GMPS: variants seen among roughly 807,000 people sequenced by gnomAD.
GMPS encodes the protein GMP synthase [glutamine-hydrolyzing].
In GMPS, 15 loss-of-function variants were observed where a neutral mutation model predicts 77.9. The observed-to-expected ratio is 0.19, with a 90% CI of 0.13 to 0.30. The LOEUF (loss-of-function observed/expected upper bound fraction) is 0.30, where lower values mean the gene tolerates loss of function less well. Ranked by LOEUF, GMPS falls within the 10% of genes least tolerant of loss-of-function variation. The pLI is 1.00. For synonymous variants in GMPS, 224 were observed against 275.9 expected (o/e 0.81, Z 1.86); for missense variants, 590 against 838.8 (o/e 0.70, Z 3.66).
At chr3:155,872,065 T>A (rs774441642) in intron 1 of GMPS, among the ~76,000 whole-genome samples, 9 of 152,052 alleles carry the variant, frequency 5.9e-5, no homozygotes, top group Non-Finnish European at 1.3e-4. Context: ...TTAATTAAAT[T>A]TCATTCGGGG....
At chr3:155,919,888 G>A (rs976749557) in intron 10 of GMPS, among the ~76,000 whole-genome samples, 1 of 152,160 alleles carries the variant, frequency 6.6e-6, no homozygotes, top group African/African-American at 2.4e-5. Context: ...TTAAAGTTAG[G>A]ACTGCAAGTC....
chr3:155,895,927 AAATAT>A (rs1287010861), intron 2 of GMPS, among the ~76,000 whole-genome samples: 4 of 152,202 alleles, frequency 2.6e-5, no homozygotes, highest in Non-Finnish European at 5.9e-5. Context: ...TTGTGAAACT[AAATAT>A]AATATAATAG....
chr3:155,926,173 G>A (rs1755449363), intron 12 of GMPS, among the ~76,000 whole-genome samples: 1 of 152,008 alleles, frequency 6.6e-6, no homozygotes, highest in African/African-American at 2.4e-5. Context: ...CATCATGCCT[G>A]GCTAATTTTT....
At position 155,893,370 on chromosome 3, in the gene GMPS, A is replaced by G. The variant is rs1051313894; in HGVS notation, c.28-148A>G. 4 of 574,962 alleles carry G rather than the reference A, an allele frequency of 7.0e-6. No homozygotes were observed. In the African/African-American group the frequency reaches 7.6e-5, roughly 11 times the overall value. 35.6% of individuals were successfully genotyped at this position (574,962 alleles called of 1,614,324 possible). A position where few individuals can be genotyped will look rare whatever the true frequency, so the allele number is the denominator to read the frequency against. ...GATATATATTAAAATCTTCCCTTTA[A>G]AAGGGGTATTTTGAATTGGTAACTC... is the stretch of plus-strand genomic sequence containing the variant. On this transcript the variant is annotated intron_variant, in intron 1 of 15. Coordinates refer to ENST00000496455, the MANE Select transcript of GMPS (RefSeq NM_003875.3).
At chr3:155,872,402 A>G (rs1753927755) in intron 1 of GMPS, among the ~76,000 whole-genome samples, 1 of 152,210 alleles carries the variant, frequency 6.6e-6, no homozygotes, top group Non-Finnish European at 1.5e-5. Flanking sequence ...TTTCCCGATT[A>G]CTAGTCGACT....
At chr3:155,914,764 GT>G (rs376211713) in intron 8 of GMPS, among the ~76,000 whole-genome samples, 194 bp downstream of exon 8, 4 of 146,826 alleles carry the variant, frequency 2.7e-5, no homozygotes, top group Non-Finnish European at 3.0e-5. Context: ...TTGTTGTTTG[GT>G]TTTTTTTTTG....
intron 1 of GMPS, among the ~76,000 whole-genome samples, chr3:155,872,247 A>G (rs1034680354): frequency 2.8e-4 from 42 of 152,198 alleles, no homozygotes; most frequent in Non-Finnish European, 1.5e-5. Flanking sequence ...GTATTTGTCG[A>G]ACAATGAGTA....
intron 12 of GMPS, among the ~76,000 whole-genome samples, chr3:155,930,912 C>T (rs920235427): frequency 6.6e-5 from 10 of 152,124 alleles, no homozygotes; most frequent in South Asian, 4.1e-4. Flanking sequence ...GCCTCGACCT[C>T]GTTGGGCTCA....
intron 1 of GMPS, among the ~76,000 whole-genome samples, chr3:155,871,536 G>A (rs1040076254): frequency 6.6e-6 from 1 of 152,210 alleles, no homozygotes; most frequent in Non-Finnish European, 1.5e-5. Context: ...CGCCCCTGCA[G>A]GCCCGCGTGA....
chr3:155,890,056 G>T (rs6441025), intron 1 of GMPS, among the ~76,000 whole-genome samples: 140,901 of 152,246 alleles, frequency 0.93, 65,325 homozygotes, highest in African/African-American at 0.97. Context: ...GCAAATAAAT[G>T]CCAGGTTTTG....
intron 3 of GMPS, among the ~76,000 whole-genome samples, chr3:155,899,602 C>CA (rs916317049): frequency 6.6e-6 from 1 of 152,148 alleles, no homozygotes; most frequent in Non-Finnish European, 1.5e-5. Flanking sequence ...GAACCTACAT[C>CA]AACACATCAT....
chr3:155,883,414 AATATTTTAGGAATAGTGATCACGTG>A (rs1249221408), intron 1 of GMPS, among the ~76,000 whole-genome samples: 1 of 152,180 alleles, frequency 6.6e-6, no homozygotes, highest in East Asian at 1.9e-4. Flanking sequence ...TAAATGTGTT[AATATTTTAGGAATAGTGATCACGTG>A]ATAATCAAAA....
Position 155,881,178 on chromosome 3 carries a change from T to G in GMPS, c.27+10281T>G, listed in dbSNP as rs990100259. On this transcript the variant is annotated intron_variant, in intron 1 of 15. Transcript: ENST00000496455. Reference sequence around the variant, plus strand: ...CTTTGATATTAGTTTTTTTTTTTTTTTTTTTTTTTTTGAGACGGAGTTTTG... The same window carrying G: ...CTTTGATATTAGTTTTTTTTTTTTTGTTTTTTTTTTTGAGACGGAGTTTTG... Among the ~76,000 whole-genome samples the G allele has an allele frequency of 4.8e-5, 7 of 145,696 alleles. No homozygotes were observed. The East Asian group carries it at 1.0e-3, about 21-fold the overall frequency.
intron 1 of GMPS, among the ~76,000 whole-genome samples, chr3:155,883,106 C>T (rs550127636): frequency 1.3e-5 from 2 of 152,178 alleles, no homozygotes; most frequent in African/African-American, 4.8e-5. Flanking sequence ...GAGTCTCACT[C>T]TGTCGCCCAG....
chr3:155,934,239 A>T (rs1755704210), intron 13 of GMPS, among the ~76,000 whole-genome samples: 1 of 152,178 alleles, frequency 6.6e-6, no homozygotes, highest in African/African-American at 2.4e-5. Context: ...GTTTCCTAGG[A>T]CTACCCATAA....
At chr3:155,930,094 A>C (rs1247437068) in intron 12 of GMPS, among the ~76,000 whole-genome samples, 4 of 145,776 alleles carry the variant, frequency 2.7e-5, no homozygotes, top group Non-Finnish European at 4.6e-5. Flanking sequence ...GCATCACACT[A>C]CCTGACTTCA....
In GMPS at chr3:155,916,048, C is replaced by A. The variant is rs763910881; in HGVS notation, c.1068C>A (p.Asn356Lys). 18 of 1,613,222 alleles carry A rather than the reference C, an allele frequency of 1.1e-5. No individual in the cohort carries two copies. Among genetic ancestry groups the A allele is most frequent in the Non-Finnish European group, 1.4e-5 (16 of 1,179,412 alleles). Residue 356 changes from asparagine (N) to lysine (K), a missense_variant, in exon 9 of 16, where the codon AAC becomes AAA. By Grantham distance (94) the Asn-to-Lys change is moderately conservative. Around this residue, in one of 6 missense-constraint regions of GMPS, gnomAD observed 181 missense variants for 186.8 expected, o/e 0.97. Coordinates refer to ENST00000496455, the MANE Select transcript of GMPS (RefSeq NM_003875.3). Reference protein sequence around the residue: ...KIANEVIGEMNLKPEEVFLAQ... With the variant: ...KIANEVIGEMKLKPEEVFLAQ... ...CCAATGAAGTAATTGGAGAAATGAA[C>A]TTGAAACCAGAGGAGGTTTTCCTTG...
At chr3:155,873,352 A>G (rs1753947206) in intron 1 of GMPS, among the ~76,000 whole-genome samples, 1 of 151,994 alleles carries the variant, frequency 6.6e-6, no homozygotes, top group Non-Finnish European at 1.5e-5. Context: ...CAGTGGTGTG[A>G]TCACAGCTCA....
At chr3:155,915,954 G>A (rs1755166738) in intron 8 of GMPS, 65 bp from the exon 9 acceptor site, 2 of 1,037,298 alleles carry the variant, frequency 1.9e-6, no homozygotes, top group Non-Finnish European at 2.8e-6. Flanking sequence ...TTAGCTGAAA[G>A]TATAAACTTT....
Sources: allele counts gnomAD v4.1 joint callset (sites outside exome capture counted in the v4.1 genomes callset), GRCh38; gene constraint gnomAD v4.1.1; regional missense constraint gnomAD v4.1.1; transcripts MANE v1.5; gene names NCBI Gene and HGNC (gene_info 2026-07-23, HGNC 2026-07-21).